Variants in BNC2 observed in about 807,000 individuals in gnomAD.
BNC2 encodes the protein zinc finger protein basonuclin-2.
In BNC2, 20 loss-of-function variants were observed where a neutral mutation model predicts 76.3. The observed-to-expected ratio is 0.26, with a 90% CI of 0.18 to 0.38. The LOEUF (loss-of-function observed/expected upper bound fraction) is 0.38, where lower values mean the gene tolerates loss of function less well. BNC2 is among the 10% of genes least tolerant of loss of function. BNC2 has a pLI of 1.00. For missense variants in BNC2, 1,382 were observed against 1,399.8 expected (o/e 0.99, Z 0.20); for synonymous variants, 582 against 514.8 (o/e 1.13, Z -1.77).
chr9:16,680,398 A>G (rs1237270561), intron 3 of BNC2, among the ~76,000 whole-genome samples: 1 of 152,086 alleles, frequency 6.6e-6, no homozygotes, highest in Non-Finnish European at 1.5e-5. Flanking sequence ...TCCTCATTTA[A>G]ATTTCATATA....
intron 1 of BNC2, among the ~76,000 whole-genome samples, chr9:16,771,958 G>T (rs115811922): frequency 2.6e-5 from 4 of 152,154 alleles, no homozygotes; most frequent in African/African-American, 7.2e-5. Flanking sequence ...GACTATAAAT[G>T]GAAAAAGAAT....
rs1821823944 is a variant in BNC2, at chr9:16,471,486, G to A, written c.670-33962C>T. Among the ~76,000 whole-genome samples the A allele has an allele frequency of 1.3e-5, 2 of 152,108 alleles. 1 individual carries two copies. Among genetic ancestry groups the A allele is most frequent in the Admixed American group, 1.3e-4 (2 of 15,286 alleles). ...TTTTTGTAGTTTTAGTAGAGACAGG[G>A]TTTCACTATGTTGGCCAGGCTGGTC... On this transcript the variant is annotated intron_variant, in intron 5 of 6. Transcript: ENST00000380672.
chr9:16,785,885 G>A (rs1321497899), intron 1 of BNC2, among the ~76,000 whole-genome samples: 2 of 151,908 alleles, frequency 1.3e-5, no homozygotes, highest in African/African-American at 4.8e-5. Context: ...ACACATTGCT[G>A]GGGCCTTTTC....
At chr9:16,589,796 C>T (rs989110056) in intron 3 of BNC2, among the ~76,000 whole-genome samples, 5 of 152,134 alleles carry the variant, frequency 3.3e-5, no homozygotes, top group Non-Finnish European at 7.3e-5. Flanking sequence ...GCGTAAGCCA[C>T]GGTGCCTGGC....
chr9:16,648,869 C>G (rs1563879585), intron 3 of BNC2, among the ~76,000 whole-genome samples: 1 of 152,136 alleles, frequency 6.6e-6, no homozygotes, highest in Non-Finnish European at 1.5e-5. Context: ...CTAAAGGTGA[C>G]CATGCACATA....
intron 3 of BNC2, among the ~76,000 whole-genome samples, chr9:16,586,711 C>T (rs1375214534): frequency 6.6e-6 from 1 of 152,148 alleles, no homozygotes; most frequent in African/African-American, 2.4e-5. Context: ...CAAATATCAC[C>T]ACTAAGCAAA....
intron 1 of BNC2, among the ~76,000 whole-genome samples, chr9:16,802,934 A>G (rs2135767452): frequency 6.6e-6 from 1 of 152,306 alleles, no homozygotes; most frequent in Middle Eastern, 3.4e-3. Context: ...TTCATAAGCT[A>G]TTGCATTTTT....
intron 1 of BNC2, among the ~76,000 whole-genome samples, chr9:16,750,850 G>C (rs887647526): frequency 1.3e-5 from 2 of 152,234 alleles, no homozygotes; most frequent in African/African-American, 2.4e-5. Flanking sequence ...TTGGGTGAAT[G>C]AATGAACACA....
intron 1 of BNC2, among the ~76,000 whole-genome samples, chr9:16,836,125 G>A (rs937970636): frequency 6.6e-6 from 1 of 152,190 alleles, no homozygotes; most frequent in East Asian, 1.9e-4. Flanking sequence ...CGCTATGAAT[G>A]TGCCTCACAG....
intron 1 of BNC2, among the ~76,000 whole-genome samples, chr9:16,749,558 G>C (rs996351451): frequency 1.5e-4 from 23 of 152,242 alleles, no homozygotes; most frequent in African/African-American, 5.1e-4. Flanking sequence ...AAATTACCCA[G>C]GTGTGGTGGC....
chr9:16,835,720 G>A (rs116138164), intron 1 of BNC2, among the ~76,000 whole-genome samples: 353 of 152,180 alleles, frequency 2.3e-3, no homozygotes, highest in African/African-American at 8.0e-3. Flanking sequence ...ATAAAAAATC[G>A]TGTACTTAAT....
At chr9:16,569,141 A>C (rs957206571) in intron 4 of BNC2, among the ~76,000 whole-genome samples, 1 of 151,052 alleles carries the variant, frequency 6.6e-6, no homozygotes. Context: ...ATAGTGTGTC[A>C]GTGTTTTTTA....
chr9:16,531,085 G>A (rs1316681187), intron 5 of BNC2, among the ~76,000 whole-genome samples: 1 of 152,146 alleles, frequency 6.6e-6, no homozygotes, highest in Non-Finnish European at 1.5e-5. Flanking sequence ...AAGAGGAGAT[G>A]GTGATTATGA....
At chr9:16,539,762 A>G (rs1350657087) in intron 5 of BNC2, among the ~76,000 whole-genome samples, 22 of 97,774 alleles carry the variant, frequency 2.3e-4, no homozygotes, top group African/African-American at 1.1e-3. Context: ...AGGAAAGGAA[A>G]GGAAAAGAAA....
At chr9:16,745,204 T>C (rs568314852) in intron 1 of BNC2, among the ~76,000 whole-genome samples, 35 of 152,304 alleles carry the variant, frequency 2.3e-4, no homozygotes, top group African/African-American at 4.6e-4. Context: ...AGTACTAAAG[T>C]ATCAGTTGCT....
chr9:16,767,918 A>T (rs1413404825), intron 1 of BNC2, among the ~76,000 whole-genome samples: 1 of 151,974 alleles, frequency 6.6e-6, no homozygotes, highest in African/African-American at 2.4e-5. Flanking sequence ...TTAAGATCCG[A>T]CATGCTCAAA....
At chr9:16,841,894 C>T (rs1818838494) in intron 1 of BNC2, among the ~76,000 whole-genome samples, 1 of 151,854 alleles carries the variant, frequency 6.6e-6, no homozygotes, top group Non-Finnish European at 1.5e-5. Flanking sequence ...ACTGCAACCT[C>T]CACCTCCCGA....
At chr9:16,783,799 A>G (rs925603625) in intron 1 of BNC2, among the ~76,000 whole-genome samples, 2 of 152,218 alleles carry the variant, frequency 1.3e-5, no homozygotes, top group Admixed American at 1.3e-4. Flanking sequence ...TCGCAAAGCT[A>G]TATTTAAACT....
chr9:16,656,624 C>A (rs888097880), intron 3 of BNC2, among the ~76,000 whole-genome samples: 6 of 152,178 alleles, frequency 3.9e-5, no homozygotes, highest in Non-Finnish European at 8.8e-5. Context: ...TAAACATATT[C>A]ATCATCTCCA....
Sources: gnomAD v4.1 joint callset for allele counts (sites outside exome capture counted in the v4.1 genomes callset) on GRCh38, gnomAD v4.1.1 for gene constraint, MANE v1.5 for transcripts, NCBI Gene and HGNC (gene_info 2026-07-23, HGNC 2026-07-21) for gene names.